The following ABL1 variants were observed in gnomAD, a reference collection of about 807,000 sequenced individuals.
ABL1 encodes the protein tyrosine-protein kinase ABL1.
ABL1 carries 11 observed loss-of-function variants against 94.7 expected under a neutral mutation model. The ratio of observed to expected loss-of-function variants is 0.12; its 90% confidence interval spans 0.07 to 0.19. ABL1 has a LOEUF of 0.19. Ranked by LOEUF, ABL1 falls within the 10% of genes least tolerant of loss-of-function variation. ABL1 has a pLI of 1.00. For synonymous variants in ABL1, 656 were observed against 622.4 expected, an observed-to-expected ratio of 1.05 and a Z score of -0.80; for missense variants, 1,082 against 1,489.4, an observed-to-expected ratio of 0.73 and a Z score of 4.50.
At position 130,872,696 on chromosome 9, in the gene ABL1, A is replaced by G. The variant is rs2070997; in HGVS notation, c.908-164A>G. Among the ~76,000 whole-genome samples the G allele has an allele frequency of 0.13, 19,677 of 152,234 alleles. 1,416 individuals are homozygous for G. Among genetic ancestry groups the G allele is most frequent in the African/African-American group, 0.18 (7,341 of 41,512 alleles). On this transcript the variant is annotated intron_variant, in intron 5 of 10. Coordinates refer to ENST00000318560, the MANE Select transcript of ABL1 (RefSeq NM_005157.6). The surrounding 1 kb of genome is among the most constrained non-coding windows in gnomAD (Gnocchi z 5.0). The stretch of plus-strand genomic sequence containing the variant: ...AAAAGAGCCTGGCCATGTCCCTCCC[A>G]CACGAGCACAGTCTCAGGATGCAGG...
chr9:130,837,960 A>G (rs960577705), intron 1 of ABL1, among the ~76,000 whole-genome samples: 1 of 152,174 alleles, frequency 6.6e-6, no homozygotes, highest in Non-Finnish European at 1.5e-5. Context: ...TCCACCATAA[A>G]TGTGGTTTGA....
chr9:130,804,176 G>T (rs1830092892), intron 1 of ABL1, among the ~76,000 whole-genome samples: 1 of 152,070 alleles, frequency 6.6e-6, no homozygotes, highest in Non-Finnish European at 1.5e-5. Context: ...CTAACACGGT[G>T]AAACCCTGTC....
intron 1 of ABL1, among the ~76,000 whole-genome samples, chr9:130,849,383 A>G (rs1348799967): frequency 1.3e-5 from 2 of 152,308 alleles, no homozygotes; most frequent in South Asian, 4.1e-4. Context: ...CTAGCATTGT[A>G]TGAGAGTGCC....
intron 1 of ABL1, among the ~76,000 whole-genome samples, chr9:130,798,783 A>G (rs1306371156): frequency 6.6e-6 from 1 of 152,032 alleles, no homozygotes; most frequent in African/African-American, 2.4e-5. Flanking sequence ...CCTGGCCAAT[A>G]TGGTGAAACC....
intron 1 of ABL1, among the ~76,000 whole-genome samples, chr9:130,725,357 T>A (rs1390019467): frequency 3.4e-5 from 5 of 146,606 alleles, no homozygotes; most frequent in Non-Finnish European, 5.9e-5. Context: ...GTGTCTGGCT[T>A]ATTTCACTTA....
chr9:130,882,676 A>G (rs1831479234), intron 10 of ABL1, among the ~76,000 whole-genome samples: 2 of 152,062 alleles, frequency 1.3e-5, no homozygotes. Flanking sequence ...CTGGGACTAC[A>G]GGCGTGTGCC....
intron 1 of ABL1, among the ~76,000 whole-genome samples, chr9:130,781,177 T>C (rs1829750301): frequency 6.6e-6 from 1 of 152,208 alleles, no homozygotes; most frequent in South Asian, 2.1e-4. Context: ...ATGACTTCAT[T>C]TGGTAATGGT....
At chr9:130,779,337 A>C (rs1829725141) in intron 1 of ABL1, among the ~76,000 whole-genome samples, 1 of 152,264 alleles carries the variant, frequency 6.6e-6, no homozygotes, top group African/African-American at 2.4e-5. Context: ...GCAGCAGCAC[A>C]GTTTAATAAC....
At chr9:130,714,866 T>C (rs769533961) in intron 1 of ABL1, among the ~76,000 whole-genome samples, 2 of 152,220 alleles carry the variant, frequency 1.3e-5, no homozygotes, top group Non-Finnish European at 2.9e-5. Flanking sequence ...GCTTTTATCA[T>C]ATTCTCAAAG....
intron 1 of ABL1, among the ~76,000 whole-genome samples, chr9:130,759,968 T>A (rs1464129497): frequency 7.3e-6 from 1 of 137,148 alleles, no homozygotes; most frequent in Non-Finnish European, 1.5e-5. Context: ...ATTTAATTTT[T>A]TTTTTTTTTT....
chr9:130,877,001 T>G lies in ABL1; in HGVS notation c.1271-1414T>G, dbSNP rs546332572. On this transcript the variant is annotated intron_variant, in intron 7 of 10. Coordinates refer to ENST00000318560, the MANE Select transcript of ABL1 (RefSeq NM_005157.6). The stretch of plus-strand genomic sequence containing the variant: ...ATCCGCCCACCTTGGCCTCCCAAAG[T>G]GCACAAGTTAGTTTCTTAATACCCT... 6.7e-4 allele frequency among the ~76,000 whole-genome samples: 100 copies of G among 148,344 alleles called. 3 individuals carry two copies. The highest frequency in any genetic ancestry group is 4.2e-4 in the Non-Finnish European group (28 of 67,242).
At chr9:130,745,665 A>G (rs368544654) in intron 1 of ABL1, among the ~76,000 whole-genome samples, 4 of 152,088 alleles carry the variant, frequency 2.6e-5, no homozygotes, top group African/African-American at 9.6e-5. Context: ...AGTTCTTTTA[A>G]TAACAGACCT....
intron 1 of ABL1, among the ~76,000 whole-genome samples, chr9:130,764,775 G>A (rs144148812): frequency 0.036 from 5,407 of 152,174 alleles, 333 homozygotes; most frequent in African/African-American, 0.12. Flanking sequence ...GGCTAACATG[G>A]TGAAACCCTG....
At chr9:130,762,923 AAAAG>A (rs1322006807) in intron 1 of ABL1, among the ~76,000 whole-genome samples, 2 of 151,808 alleles carry the variant, frequency 1.3e-5, no homozygotes, top group Non-Finnish European at 2.9e-5. Flanking sequence ...AAAAAAAAAA[AAAAG>A]AAAAGGAAAC....
At chr9:130,855,469 C>T (rs12006523) in intron 3 of ABL1, among the ~76,000 whole-genome samples, 4,996 of 152,146 alleles carry the variant, frequency 0.033, 275 homozygotes, top group African/African-American at 0.11. Context: ...AATAGATAAC[C>T]TTTCTTAGAG....
Position 130,880,269 on chromosome 9 carries a change from C to T in ABL1, c.1513+112C>T, listed in dbSNP as rs1831428669. ...GTGAAAGTTCACAGACCAGCCTGTCCTGAGACCAGAAAGCTGGGCAGAGGT... is the reference window on the plus strand; with the variant it reads ...GTGAAAGTTCACAGACCAGCCTGTCTTGAGACCAGAAAGCTGGGCAGAGGT... On this transcript the variant is annotated intron_variant, in intron 9 of 10. Transcript: ENST00000318560. The surrounding 1 kb of genome is among the most constrained non-coding windows in gnomAD (Gnocchi z 4.4). 22 of 1,252,780 alleles carry T rather than the reference C, an allele frequency of 1.8e-5. No homozygotes were observed. In the South Asian group the frequency reaches 2.1e-4, roughly 12 times the overall value. 77.6% of individuals were successfully genotyped at this position (1,252,780 alleles called of 1,614,324 possible).
chr9:130,799,466 C>T (rs1403404592), intron 1 of ABL1, among the ~76,000 whole-genome samples: 1 of 152,196 alleles, frequency 6.6e-6, no homozygotes, highest in Non-Finnish European at 1.5e-5. Flanking sequence ...AAGGGGTAGA[C>T]ATACCCTAGT....
chr9:130,856,748 G>T (rs759785591), intron 3 of ABL1, among the ~76,000 whole-genome samples: 1 of 152,190 alleles, frequency 6.6e-6, no homozygotes, highest in East Asian at 1.9e-4. Context: ...GCACGCGAAT[G>T]CATCATGCTT....
chr9:130,797,214 C>T (rs1453388360), intron 1 of ABL1, among the ~76,000 whole-genome samples: 6 of 110,182 alleles, frequency 5.4e-5, no homozygotes, highest in East Asian at 3.2e-4. Flanking sequence ...CGAGCCTGGG[C>T]GACAGAGTGA....
Sources: allele counts gnomAD v4.1 joint callset (sites outside exome capture counted in the v4.1 genomes callset), GRCh38; gene constraint gnomAD v4.1.1; non-coding constraint Gnocchi (gnomAD v3.1); transcripts MANE v1.5; gene names NCBI Gene and HGNC (gene_info 2026-07-23, HGNC 2026-07-21).